The following CTNNBL1 variants were observed in gnomAD, a reference collection of about 807,000 sequenced individuals.
CTNNBL1 encodes the protein catenin beta like 1, also known as beta-catenin-like protein 1.
A neutral mutation model predicts 72.7 loss-of-function variants in CTNNBL1; 31 were observed. That is an observed-to-expected ratio of 0.43 (90% CI 0.32 to 0.58). The LOEUF (loss-of-function observed/expected upper bound fraction) is 0.58, where lower values mean the gene tolerates loss of function less well. CTNNBL1 is among the 20% of genes least tolerant of loss of function. The probability of loss-of-function intolerance (pLI) is 0.08; values close to 1 mark genes in which losing one functional copy is unlikely to be tolerated. For synonymous variants in CTNNBL1, 240 were observed against 267.3 expected (o/e 0.90, Z 1.00); for missense variants, 534 against 725.1 (o/e 0.74, Z 3.03).
intron 3 of CTNNBL1, among the ~76,000 whole-genome samples, chr20:37,738,811 G>A (rs2073190792): frequency 1.3e-5 from 2 of 152,202 alleles, no homozygotes; most frequent in Non-Finnish European, 2.9e-5. Context: ...AACACAGGAA[G>A]GCATGCCAGG....
intron 15 of CTNNBL1, among the ~76,000 whole-genome samples, chr20:37,863,845 T>C (rs908277319): frequency 7.2e-5 from 11 of 152,174 alleles, no homozygotes; most frequent in African/African-American, 2.7e-4. Flanking sequence ...ATTGCTCAGG[T>C]TGAAGAGGCC....
At chr20:37,718,387 G>T (rs1478899161) in intron 1 of CTNNBL1, among the ~76,000 whole-genome samples, 2 of 140,406 alleles carry the variant, frequency 1.4e-5, no homozygotes, top group Admixed American at 1.4e-4. Flanking sequence ...TCACCTCCGG[G>T]ACGGGGCGGC....
At chr20:37,782,373 CAT>C (rs1240486564) in intron 10 of CTNNBL1, among the ~76,000 whole-genome samples, 1 of 152,164 alleles carries the variant, frequency 6.6e-6, no homozygotes, top group African/African-American at 2.4e-5. Flanking sequence ...CCTTCCCACA[CAT>C]ATGTGCACAC....
At chr20:37,868,913 C>A (rs2072559417) in intron 15 of CTNNBL1, among the ~76,000 whole-genome samples, 1 of 152,148 alleles carries the variant, frequency 6.6e-6, no homozygotes, top group African/African-American at 2.4e-5. Context: ...GCTTCCAGAC[C>A]ATGCCTCCGG....
intron 1 of CTNNBL1, among the ~76,000 whole-genome samples, chr20:37,724,520 G>A (rs1327510211): frequency 1.3e-5 from 2 of 152,160 alleles, no homozygotes; most frequent in East Asian, 3.9e-4. Flanking sequence ...CAAAGGTGGA[G>A]GGGGCACAGT....
intron 1 of CTNNBL1, among the ~76,000 whole-genome samples, chr20:37,715,394 G>A (rs977946326): frequency 6.6e-6 from 1 of 152,236 alleles, no homozygotes; most frequent in Non-Finnish European, 1.5e-5. Context: ...AAAATGTTAA[G>A]TTCCTGGTAC....
At chr20:37,846,307 G>C (rs142687142) in intron 13 of CTNNBL1, among the ~76,000 whole-genome samples, 1 of 152,128 alleles carries the variant, frequency 6.6e-6, no homozygotes, top group Admixed American at 6.5e-5. Flanking sequence ...CCAAGTGAAG[G>C]GGGAGAGAAG....
intron 10 of CTNNBL1, among the ~76,000 whole-genome samples, chr20:37,794,792 G>A (rs368936912): frequency 3.3e-5 from 5 of 151,970 alleles, no homozygotes; most frequent in African/African-American, 9.7e-5. Flanking sequence ...GTGAGCCACC[G>A]TGCCTGACTG....
intron 7 of CTNNBL1, among the ~76,000 whole-genome samples, chr20:37,769,964 C>T (rs1007036099): frequency 2.0e-5 from 3 of 152,174 alleles, no homozygotes; most frequent in East Asian, 1.9e-4. Flanking sequence ...CTTATTCAGC[C>T]GTTTGTTCCC....
At chr20:37,820,319 C>G (rs2072094915) in intron 11 of CTNNBL1, among the ~76,000 whole-genome samples, 3 of 152,096 alleles carry the variant, frequency 2.0e-5, no homozygotes, top group Non-Finnish European at 4.4e-5. Context: ...TACATAAGTA[C>G]CTCTTGAATT....
Position 37,842,321 on chromosome 20 carries a change from G to A in CTNNBL1, c.1312-18G>A, listed in dbSNP as rs771634189. ...TTGTCTTTCCTTCTCACTCAAGCCT[G>A]TGAAATCTCTCTTTCAGGTTGACAG... On this transcript the variant is annotated intron_variant, in intron 12 of 15. Transcript: ENST00000361383. 1.9e-6 allele frequency: 3 copies of A among 1,580,924 alleles called. No individual in the cohort carries two copies. Among genetic ancestry groups the A allele is most frequent in the Non-Finnish European group, 2.6e-6 (3 of 1,149,678 alleles).
intron 3 of CTNNBL1, among the ~76,000 whole-genome samples, chr20:37,739,743 G>T (rs2073199050): frequency 6.6e-6 from 1 of 152,154 alleles, no homozygotes. Context: ...ATTAGACTCT[G>T]TTCCTTTTAG....
chr20:37,766,330 A>G (rs1278111765), intron 6 of CTNNBL1, among the ~76,000 whole-genome samples: 1 of 152,218 alleles, frequency 6.6e-6, no homozygotes, highest in Non-Finnish European at 1.5e-5. Context: ...ATCTATTTGC[A>G]GCTCGGTCAG....
At chr20:37,716,471 G>A (rs1487719396) in intron 1 of CTNNBL1, among the ~76,000 whole-genome samples, 1 of 152,096 alleles carries the variant, frequency 6.6e-6, no homozygotes, top group African/African-American at 2.4e-5. Flanking sequence ...ACACTGAATT[G>A]TCTTATCTAA....
chr20:37,711,605 CA>C (rs2072938788), intron 1 of CTNNBL1, among the ~76,000 whole-genome samples: 1 of 148,542 alleles, frequency 6.7e-6, no homozygotes, highest in Non-Finnish European at 1.5e-5. Context: ...AAGATAATTT[CA>C]AATAGGAATA....
intron 4 of CTNNBL1, 120 bp downstream of exon 4, chr20:37,746,727 A>G: frequency 5.6e-6 from 7 of 1,260,484 alleles, no homozygotes; most frequent in Middle Eastern, 1.9e-4. Context: ...TTTCCATTCT[A>G]ATTATCTTCT....
intron 7 of CTNNBL1, among the ~76,000 whole-genome samples, chr20:37,770,227 C>A (rs1271184260): frequency 6.6e-6 from 1 of 152,214 alleles, no homozygotes; most frequent in Non-Finnish European, 1.5e-5. Context: ...ACTTGTTTCT[C>A]ATTTAATTTC....
chr20:37,736,998 C>T (rs2073177141), intron 2 of CTNNBL1, among the ~76,000 whole-genome samples: 1 of 151,912 alleles, frequency 6.6e-6, no homozygotes, highest in African/African-American at 2.4e-5. Context: ...CCAAGGTGGG[C>T]AGATCACGAG....
At chr20:37,739,975 C>T (rs144172345) in intron 3 of CTNNBL1, among the ~76,000 whole-genome samples, 5 of 152,122 alleles carry the variant, frequency 3.3e-5, no homozygotes, top group African/African-American at 4.8e-5. Context: ...TTCCTTCGCC[C>T]GCTTGGTAGA....
Sources: gnomAD v4.1 joint callset for allele counts (sites outside exome capture counted in the v4.1 genomes callset) on GRCh38, gnomAD v4.1.1 for gene constraint, MANE v1.5 for transcripts, NCBI Gene and HGNC (gene_info 2026-07-23, HGNC 2026-07-21) for gene names.